FAM124B: variants seen among roughly 807,000 people sequenced by gnomAD.
FAM124B encodes the protein protein FAM124B.
In FAM124B, 18 loss-of-function variants were observed where a neutral mutation model predicts 19.7. The ratio of observed to expected loss-of-function variants is 0.92; its 90% CI spans 0.63 to 1.36. The LOEUF (loss-of-function observed/expected upper bound fraction) is 1.36. FAM124B is among the 40% of genes most tolerant of loss of function. The probability of loss-of-function intolerance (pLI) is 0.00; values close to 1 mark genes in which losing one functional copy is unlikely to be tolerated. For missense variants in FAM124B, 540 were observed against 553.3 expected, an observed-to-expected ratio of 0.98 and a Z score of 0.24; for synonymous variants, 223 against 225.2, an observed-to-expected ratio of 0.99 and a Z score of 0.09.
Position 224,380,048 on chromosome 2 carries a change from G to C in FAM124B, c.893C>G (p.Pro298Arg). ...KRSQGHSLEL[P>R]EPSGSPTSDR... The stretch of plus-strand genomic sequence containing the variant: ...TGATGTGGGGCTCCCACTGGGCTCA[G>C]GAAGCTCCAGAGAATGCCCCTGGGA... The change falls in exon 2 of 2, where the codon CCT (proline) becomes CGT (arginine). Residue 298 changes from proline to arginine, a missense_variant. Physicochemically the swap from Pro to Arg is moderately radical, Grantham distance 103 (BLOSUM62 -2). Transcript: ENST00000409685. 1 of 1,551,698 alleles carries C rather than the reference G, an allele frequency of 6.4e-7. No homozygotes were observed. Among genetic ancestry groups the C allele is most frequent in the Non-Finnish European group, 8.7e-7 (1 of 1,146,998 alleles).
chr2:224,380,021 T>C lies in FAM124B; in HGVS notation c.920A>G (p.Asp307Gly). 1.3e-6 allele frequency: 2 copies of C among 1,551,674 alleles called. No homozygotes were observed. The highest frequency in any genetic ancestry group is 1.7e-6 in the Non-Finnish European group (2 of 1,147,010). The part of the protein sequence containing the change: ...LPEPSGSPTS[D>G]RCAGTSWKSP... ...TTTCCACGAAGTGCCAGCACACCTGTCTGATGTGGGGCTCCCACTGGGCTC... is the reference window on the plus strand; with the variant it reads ...TTTCCACGAAGTGCCAGCACACCTGCCTGATGTGGGGCTCCCACTGGGCTC... Residue 307 changes from aspartate (D) to glycine (G), a missense_variant, in exon 2 of 2, where the codon GAC (aspartate) becomes GGC (glycine). Transcript: ENST00000409685.
chr2:224,385,561 C>T (rs1689790200), intron 1 of FAM124B, among the ~76,000 whole-genome samples: 1 of 152,200 alleles, frequency 6.6e-6, no homozygotes. Context: ...TGTAACTACA[C>T]CTCAGATCTG....
At chr2:224,400,461 G>A (rs1391681319) in intron 1 of FAM124B, 1 of 697,520 alleles carries the variant, frequency 1.4e-6, no homozygotes, top group Non-Finnish European at 2.6e-6. Flanking sequence ...AGCTATGATG[G>A]CACCACCGCA....
rs374014077 is a variant in FAM124B at position 224,401,708 on chromosome 2, C to T, written c.61G>A (p.Gly21Ser). The T allele has an allele frequency of 6.2e-6, 10 of 1,614,030 alleles. No homozygotes were observed. The highest frequency in any genetic ancestry group is 5.9e-6 in the Non-Finnish European group (7 of 1,180,046). ...TCCAGAGTCCTCTGCAGAAGGGAGC[C>T]GTGCCCAGAGTTGGCAAGAAGATGG... is the stretch of plus-strand genomic sequence containing the variant. ...TVHLLANSGH[G>S]SLLQRTLDQL... is the part of the protein sequence containing the mutation. The change falls in exon 1 of 2, where the codon GGC becomes AGC. Residue 21 changes from glycine (G) to serine (S), a missense_variant. Transcript: ENST00000409685.
chr2:224,390,704 GT>G (rs1382603988), intron 1 of FAM124B, among the ~76,000 whole-genome samples: 3 of 64,930 alleles, frequency 4.6e-5, no homozygotes, highest in South Asian at 1.3e-3. Context: ...TTTTTTTTTT[GT>G]TTGTTTGTTT....
At chr2:224,390,167 A>C (rs1233368863) in intron 1 of FAM124B, among the ~76,000 whole-genome samples, 1 of 151,102 alleles carries the variant, frequency 6.6e-6, no homozygotes, top group Non-Finnish European at 1.5e-5. Flanking sequence ...ACAGAAAAGG[A>C]ATAGTCAGAG....
At chr2:224,385,664 A>G (rs991158300) in intron 1 of FAM124B, among the ~76,000 whole-genome samples, 5 of 152,126 alleles carry the variant, frequency 3.3e-5, no homozygotes, top group Admixed American at 3.3e-4. Flanking sequence ...GCCCCAAATC[A>G]TCTGCACCAT....
Position 224,391,273 on chromosome 2 carries a change from G to A in FAM124B, c.732+9764C>T, listed in dbSNP as rs139157767. Among the ~76,000 whole-genome samples the A allele has an allele frequency of 4.6e-4, 69 of 150,544 alleles. No homozygotes were observed. In the East Asian group the frequency reaches 0.011, roughly 24 times the overall value. Reference sequence around the variant, plus strand: ...GGAGAATAGCTTGAACCCGGGAGGCGGAGGTTGCAATGAGCTGAGATCACA... The same window carrying A: ...GGAGAATAGCTTGAACCCGGGAGGCAGAGGTTGCAATGAGCTGAGATCACA... On this transcript the variant is annotated intron_variant, in intron 1 of 1. Coordinates refer to ENST00000409685, the MANE Select transcript of FAM124B (RefSeq NM_001122779.2).
At chr2:224,384,617 G>T (rs1166386355) in intron 1 of FAM124B, among the ~76,000 whole-genome samples, 2 of 152,138 alleles carry the variant, frequency 1.3e-5, no homozygotes, top group Non-Finnish European at 2.9e-5. Context: ...CATTCACCCA[G>T]CAGCTGTTCA....
At chr2:224,395,617 AAT>A (rs1252230733) in intron 1 of FAM124B, among the ~76,000 whole-genome samples, 2 of 152,236 alleles carry the variant, frequency 1.3e-5, no homozygotes, top group Non-Finnish European at 2.9e-5. Flanking sequence ...AAGGAAAAAC[AAT>A]GTCTGGCCCA....
intron 1 of FAM124B, among the ~76,000 whole-genome samples, chr2:224,389,927 C>T (rs1689852927): frequency 6.6e-6 from 1 of 151,996 alleles, no homozygotes; most frequent in Non-Finnish European, 1.5e-5. Flanking sequence ...TTGGTTGTCA[C>T]AACTCGGGGG....
intron 1 of FAM124B, among the ~76,000 whole-genome samples, chr2:224,384,515 T>G (rs1171599625): frequency 6.6e-6 from 1 of 152,102 alleles, no homozygotes; most frequent in Non-Finnish European, 1.5e-5. Flanking sequence ...CAGAAACACA[T>G]CGGTCTGTGA....
At chr2:224,393,258 G>A (rs951519865) in intron 1 of FAM124B, among the ~76,000 whole-genome samples, 1 of 152,188 alleles carries the variant, frequency 6.6e-6, no homozygotes, top group African/African-American at 2.4e-5. Flanking sequence ...AGGATACACA[G>A]GCATGAGTTT....
Position 224,401,555 on chromosome 2 carries a change from A to G in FAM124B, c.214T>C (p.Phe72Leu). The change falls in exon 1 of 2, where the codon TTC (phenylalanine) becomes CTC (leucine). Residue 72 changes from phenylalanine to leucine, a missense_variant. Phe to Leu is a conservative substitution (Grantham distance 22). Coordinates refer to ENST00000409685, the MANE Select transcript of FAM124B (RefSeq NM_001122779.2). The stretch of plus-strand genomic sequence containing the variant: ...TCCTCTCCCGGGCTTTCGTGCAGGA[A>G]GAGCAACACGGACATCCCTGGAAAC... ...SRFPGMSVLL[F>L]LHESPGEDRL... 6.2e-7 allele frequency: 1 copy of G among 1,614,188 alleles called. No individual in the cohort carries two copies. Among genetic ancestry groups the G allele is most frequent in the Non-Finnish European group, 8.5e-7 (1 of 1,180,014 alleles).
chr2:224,396,163 C>T (rs144108979), intron 1 of FAM124B, among the ~76,000 whole-genome samples: 325 of 152,302 alleles, frequency 2.1e-3, no homozygotes, highest in African/African-American at 7.4e-3. Flanking sequence ...TGGCTGACCA[C>T]ATTCCCACTG....
At chr2:224,384,386 C>A (rs550201501) in intron 1 of FAM124B, among the ~76,000 whole-genome samples, 2 of 152,328 alleles carry the variant, frequency 1.3e-5, no homozygotes, top group South Asian at 4.1e-4. Context: ...TCAACCATTT[C>A]TTCACCAATA....
chr2:224,391,890 G>T (rs1460301678), intron 1 of FAM124B, among the ~76,000 whole-genome samples: 1 of 152,104 alleles, frequency 6.6e-6, no homozygotes, highest in Admixed American at 6.5e-5. Flanking sequence ...CATATTATTA[G>T]ATTATCTGTT....
chr2:224,390,099 G>T (rs1689855855), intron 1 of FAM124B, among the ~76,000 whole-genome samples: 1 of 135,600 alleles, frequency 7.4e-6, no homozygotes, highest in South Asian at 2.4e-4. Context: ...GGAAAAAACA[G>T]TTGAGTCTTT....
At chr2:224,397,423 G>A (rs1689991635) in intron 1 of FAM124B, among the ~76,000 whole-genome samples, 1 of 152,124 alleles carries the variant, frequency 6.6e-6, no homozygotes, top group African/African-American at 2.4e-5. Context: ...GTCTTTATCA[G>A]CAGCGTGAAA....
Sources: allele counts gnomAD v4.1 joint callset (sites outside exome capture counted in the v4.1 genomes callset), GRCh38; gene constraint gnomAD v4.1.1; transcripts MANE v1.5; gene names NCBI Gene and HGNC (gene_info 2026-07-23, HGNC 2026-07-21).